The following CSMD3 variants were observed in gnomAD, a reference collection of about 807,000 sequenced individuals.
CSMD3 encodes CUB and Sushi multiple domains 3.
Under a neutral mutation model 435.2 loss-of-function variants are expected in CSMD3, and 177 were observed. That is an observed-to-expected ratio of 0.41 (90% confidence interval 0.36 to 0.46). The LOEUF is 0.46. CSMD3 is among the 20% of genes least tolerant of loss of function. The pLI, the probability that CSMD3 is intolerant of heterozygous loss-of-function variation, is 0.34. For missense variants in CSMD3, 4,265 were observed against 4,504.6 expected (o/e 0.95, Z 1.52); for synonymous variants, 1,656 against 1,520.5 (o/e 1.09, Z -2.07).
intron 5 of CSMD3, among the ~76,000 whole-genome samples, chr8:113,082,896 C>G (rs1368680555): frequency 6.6e-6 from 1 of 151,944 alleles, no homozygotes; most frequent in Admixed American, 6.6e-5. Context: ...AAATAACACA[C>G]TCAGACAAAA....
chr8:112,265,437 CATGTGCCATTA>C lies in CSMD3; in HGVS notation c.9651_9661del (p.Ile3217MetfsTer9). 3 of 1,613,606 alleles carry C rather than the reference CATGTGCCATTA, an allele frequency of 1.9e-6. No homozygotes were observed. Among genetic ancestry groups the C allele is most frequent in the Non-Finnish European group, 2.5e-6 (3 of 1,179,614 alleles). On this transcript the variant is annotated frameshift_variant, in exon 60 of 71. Transcript: ENST00000297405. LOFTEE classifies it high-confidence loss of function. ...TCTACAAGTTGGCATTACTCCACTC[CATGTGCCATTA>C]ATTGTACAAGTCCTGATTCTGGAGC...
At chr8:112,870,337 C>T (rs1258690536) in intron 10 of CSMD3, among the ~76,000 whole-genome samples, 6 of 150,614 alleles carry the variant, frequency 4.0e-5, no homozygotes, top group Non-Finnish European at 8.9e-5. Context: ...GGCTCGATCT[C>T]GGCTCACTGC....
intron 16 of CSMD3, among the ~76,000 whole-genome samples, chr8:112,680,980 GAC>G (rs1385957990): frequency 1.3e-5 from 2 of 151,192 alleles, no homozygotes; most frequent in Non-Finnish European, 2.9e-5. Context: ...AAAGGTGTTA[GAC>G]AGTTATAGTT....
intron 24 of CSMD3, among the ~76,000 whole-genome samples, chr8:112,569,631 G>T (rs1376403201): frequency 6.6e-6 from 1 of 152,026 alleles, no homozygotes; most frequent in African/African-American, 2.4e-5. Flanking sequence ...CAACAAAATA[G>T]ATAATGGAAT....
intron 40 of CSMD3, among the ~76,000 whole-genome samples, chr8:112,349,546 T>C (rs980150660): frequency 6.6e-6 from 1 of 152,118 alleles, no homozygotes; most frequent in African/African-American, 2.4e-5. Context: ...TGTGCTCTTT[T>C]ATATTCTCAA....
At chr8:112,766,256 A>G (rs765026567) in intron 13 of CSMD3, among the ~76,000 whole-genome samples, 5 of 151,752 alleles carry the variant, frequency 3.3e-5, no homozygotes, top group Non-Finnish European at 5.9e-5. Context: ...GAAAAAATTA[A>G]TGGTAATTAA....
intron 5 of CSMD3, among the ~76,000 whole-genome samples, chr8:113,082,172 C>CCACCCTCTT (rs1412371533): frequency 1.0e-5 from 1 of 95,936 alleles, no homozygotes; most frequent in African/African-American, 5.8e-5. Context: ...CATGCCAAAC[C>CCACCCTCTT]CACCCTCTTC....
chr8:112,742,162 G>T (rs2077327643), intron 13 of CSMD3, among the ~76,000 whole-genome samples: 1 of 151,844 alleles, frequency 6.6e-6, no homozygotes, highest in African/African-American at 2.4e-5. Flanking sequence ...AAACGCTAAG[G>T]TAGAAGTGGT....
intron 10 of CSMD3, among the ~76,000 whole-genome samples, chr8:112,888,336 T>C (rs906054841): frequency 2.6e-5 from 4 of 151,642 alleles, no homozygotes; most frequent in Non-Finnish European, 5.9e-5. Flanking sequence ...TGGAGATTGA[T>C]AGGATCTGGC....
rs117953118 is a variant in CSMD3 at position 112,623,503 on chromosome 8, T to C, written c.3715+13314A>G. Among the ~76,000 whole-genome samples, 1,298 of 152,232 alleles carry C rather than the reference T, an allele frequency of 8.5e-3. 11 individuals carry two copies. The highest frequency in any genetic ancestry group is 0.014 in the Non-Finnish European group (968 of 67,996). ...TTACAATATAGTAGAACTTCATTGA[T>C]GAGAATATTTTATTCATTTTTTTTA... On this transcript the variant is annotated intron_variant, in intron 22 of 70. Coordinates refer to ENST00000297405, the MANE Select transcript of CSMD3 (RefSeq NM_198123.2).
intron 4 of CSMD3, among the ~76,000 whole-genome samples, chr8:113,127,155 A>G (rs1437431490): frequency 2.0e-5 from 3 of 152,042 alleles, no homozygotes; most frequent in Non-Finnish European, 2.9e-5. Context: ...TTTGACTGGC[A>G]GAGTGCCTTG....
chr8:112,408,912 AG>A lies in CSMD3; in HGVS notation c.5509+6del. 1 of 1,613,486 alleles carries A rather than the reference AG, an allele frequency of 6.2e-7. No individual in the cohort carries two copies. Among genetic ancestry groups the A allele is most frequent in the Non-Finnish European group, 8.5e-7 (1 of 1,179,548 alleles). Reference sequence around the variant, plus strand: ...AACTGATGCATGGCAGTTCTATTAAAGGATACCTGAATGGGATCCTGAGAGG... The same window carrying A: ...AACTGATGCATGGCAGTTCTATTAAAGATACCTGAATGGGATCCTGAGAGG... On this transcript the variant is annotated splice_donor_region_variant and intron_variant, in intron 33 of 70. Transcript: ENST00000297405.
At chr8:113,133,642 A>G (rs1040201164) in intron 4 of CSMD3, among the ~76,000 whole-genome samples, 2 of 152,190 alleles carry the variant, frequency 1.3e-5, no homozygotes, top group African/African-American at 4.8e-5. Flanking sequence ...TGTTCATAAC[A>G]GCACTATTCA....
At chr8:112,401,872 T>C (rs1455971227) in intron 35 of CSMD3, among the ~76,000 whole-genome samples, 1 of 152,182 alleles carries the variant, frequency 6.6e-6, no homozygotes, top group African/African-American at 2.4e-5. Flanking sequence ...AAAAATCTTC[T>C]GTGGAAGGCA....
intron 35 of CSMD3, among the ~76,000 whole-genome samples, chr8:112,399,293 C>T (rs1267638397): frequency 4.7e-5 from 7 of 149,306 alleles, no homozygotes; most frequent in African/African-American, 1.7e-4. Context: ...CAGAGTCTTG[C>T]TCTGTCAGCC....
rs537582389 is a variant in CSMD3, at chr8:112,552,494, A to T, written c.4361+100T>A. On this transcript the variant is annotated intron_variant, in intron 26 of 70. Coordinates refer to ENST00000297405, the MANE Select transcript of CSMD3 (RefSeq NM_198123.2). ...AGCAAGACTCTGCCTCAAGAAAAAC[A>T]AACAAACAAAAAATGAAATAAATGG... The T allele has an allele frequency of 4.1e-4, 518 of 1,276,922 alleles. 1 individual carries two copies. The African/African-American group carries it at 7.3e-3, about 18-fold the overall frequency. The allele number at this position is 1,276,922 out of a possible 1,614,324, so 79.1% of individuals were successfully genotyped here. A position where few individuals can be genotyped will look rare whatever the true frequency, so the allele number is the denominator to read the frequency against.
intron 2 of CSMD3, chr8:113,309,998 A>G (rs1297806274): frequency 6.6e-6 from 1 of 152,202 alleles, no homozygotes; most frequent in Non-Finnish European, 1.5e-5. Context: ...TATAAGAAAA[A>G]TAAATTTTTT....
At chr8:113,153,219 G>A (rs551078535) in intron 4 of CSMD3, among the ~76,000 whole-genome samples, 50 of 150,224 alleles carry the variant, frequency 3.3e-4, no homozygotes, top group African/African-American at 1.0e-3. Context: ...AGAGAGGTAC[G>A]GAAAGAGAAA....
intron 27 of CSMD3, among the ~76,000 whole-genome samples, chr8:112,547,447 C>A (rs1345415881): frequency 6.6e-6 from 1 of 151,832 alleles, no homozygotes; most frequent in African/African-American, 2.4e-5. Flanking sequence ...ACATGGGGGG[C>A]TGAGGTGGGA....
Sources: allele counts gnomAD v4.1 joint callset (sites outside exome capture counted in the v4.1 genomes callset), GRCh38; gene constraint gnomAD v4.1.1; transcripts MANE v1.5; gene names NCBI Gene and HGNC (gene_info 2026-07-23, HGNC 2026-07-21).